The following TMA16 variants were observed in gnomAD, a reference collection of about 807,000 sequenced individuals.
TMA16 encodes translation machinery-associated protein 16.
Under a neutral mutation model 27.1 loss-of-function variants are expected in TMA16, and 26 were observed. That is an observed-to-expected ratio of 0.96 (90% CI 0.70 to 1.33). The LOEUF is 1.33. TMA16 is among the 40% of genes most tolerant of loss of function. The probability of loss-of-function intolerance (pLI) is 0.00; values close to 1 mark genes in which losing one functional copy is unlikely to be tolerated. For missense variants in TMA16, 233 were observed against 241.4 expected (o/e 0.97, Z 0.23); for synonymous variants, 71 against 81.9 (o/e 0.87, Z 0.72).
At chr4:163,512,972 G>T in intron 3 of TMA16, 113 bp downstream of exon 3, 1 of 699,704 alleles carries the variant, frequency 1.4e-6, no homozygotes, top group South Asian at 2.6e-5. Context: ...AAGTGAATTT[G>T]ATCAGACTTG....
chr4:163,517,106 GT>G, intron 5 of TMA16: 1 of 238,578 alleles, frequency 4.2e-6, no homozygotes, highest in Non-Finnish European at 8.0e-6. Flanking sequence ...GTTTCACCTT[GT>G]TAGCCAGGAT....
chr4:163,501,647 G>T (rs1737652659), intron 1 of TMA16, among the ~76,000 whole-genome samples: 2 of 152,172 alleles, frequency 1.3e-5, no homozygotes, highest in South Asian at 4.1e-4. Flanking sequence ...ATACAGTGAT[G>T]CAAGTGTTTG....
chr4:163,496,760 G>C (rs1737559697), intron 1 of TMA16, among the ~76,000 whole-genome samples: 1 of 151,918 alleles, frequency 6.6e-6, no homozygotes, highest in South Asian at 2.1e-4. Context: ...ACCACACCCA[G>C]CTAATTTTTG....
chr4:163,507,699 A>G (rs1172398112), intron 2 of TMA16, among the ~76,000 whole-genome samples: 4 of 152,126 alleles, frequency 2.6e-5, no homozygotes, highest in Non-Finnish European at 5.9e-5. Context: ...AAGAGAGCCA[A>G]TTACTGAGTT....
chr4:163,517,013 C>G (rs1213872072), intron 5 of TMA16: 1 of 156,140 alleles, frequency 6.4e-6, no homozygotes, highest in East Asian at 1.9e-4. Flanking sequence ...TTTTTTTTCT[C>G]CTGCCTCAGC....
At chr4:163,510,920 A>G (rs1169481922) in intron 2 of TMA16, among the ~76,000 whole-genome samples, 1 of 152,192 alleles carries the variant, frequency 6.6e-6, no homozygotes. Flanking sequence ...CATTCCTGTA[A>G]AACATTCATG....
At chr4:163,505,594 A>G (rs1472077101) in intron 1 of TMA16, among the ~76,000 whole-genome samples, 1 of 152,218 alleles carries the variant, frequency 6.6e-6, no homozygotes, top group African/African-American at 2.4e-5. Context: ...GTTATGAAAT[A>G]GCTTGGTATG....
chr4:163,497,917 A>G (rs1438191737), intron 1 of TMA16, among the ~76,000 whole-genome samples: 20 of 152,188 alleles, frequency 1.3e-4, no homozygotes, highest in Non-Finnish European at 1.5e-5. Context: ...AGAAACAGCC[A>G]CTGTTAACAG....
Position 163,514,106 on chromosome 4 carries a change from G to C in TMA16, c.187G>C (p.Asp63His). The C allele has an allele frequency of 6.2e-7, 1 of 1,609,574 alleles. No homozygotes were observed. ...EKLQWFQNHL[D>H]PQKKRYSKKD... ...ACTGCAATGGTTTCAAAATCATCTT[G>C]ATCCCCAAAAAAAGAGATATTCAAA... The change falls in exon 4 of 7, where the codon GAT becomes CAT. Residue 63 changes from aspartate to histidine, a missense_variant. Asp to His is a moderately conservative substitution (Grantham distance 81, BLOSUM62 -1). Coordinates refer to ENST00000358572, the MANE Select transcript of TMA16 (RefSeq NM_018352.3).
At chr4:163,504,485 A>G (rs770761055) in intron 1 of TMA16, among the ~76,000 whole-genome samples, 6 of 151,898 alleles carry the variant, frequency 4.0e-5, no homozygotes, top group Non-Finnish European at 5.9e-5. Context: ...AGCTGCGGAG[A>G]GTCTACTTCT....
At chr4:163,516,398 A>G (rs1579020732) in intron 5 of TMA16, among the ~76,000 whole-genome samples, 1 of 152,202 alleles carries the variant, frequency 6.6e-6, no homozygotes, top group Admixed American at 6.5e-5. Flanking sequence ...ATTCATTAAG[A>G]TTCCTTTACA....
intron 5 of TMA16, among the ~76,000 whole-genome samples, chr4:163,516,711 G>T (rs1453992626): frequency 2.0e-5 from 3 of 151,720 alleles, no homozygotes; most frequent in Admixed American, 1.3e-4. Flanking sequence ...TATTAAAAAT[G>T]GATTTAAGTT....
At chr4:163,515,276 C>T in intron 4 of TMA16, 37 bp from the exon 5 acceptor site, 4 of 1,580,492 alleles carry the variant, frequency 2.5e-6, no homozygotes, top group Non-Finnish European at 3.4e-6. Flanking sequence ...AATACATATA[C>T]TTTGTATGTA....
intron 1 of TMA16, among the ~76,000 whole-genome samples, chr4:163,500,144 T>G (rs1479959396): frequency 2.6e-5 from 4 of 152,192 alleles, no homozygotes. Context: ...TTATGAAGGC[T>G]TATAAATGAA....
chr4:163,514,738 A>C (rs1387998055), intron 4 of TMA16, among the ~76,000 whole-genome samples: 1 of 152,190 alleles, frequency 6.6e-6, no homozygotes. Flanking sequence ...TGAGAGGTTC[A>C]TGACTCTGGT....
At chr4:163,513,906 G>A (rs1369240248) in intron 3 of TMA16, among the ~76,000 whole-genome samples, 168 bp from the exon 4 acceptor site, 1 of 152,100 alleles carries the variant, frequency 6.6e-6, no homozygotes, top group East Asian at 1.9e-4. Flanking sequence ...AGTTTAATTT[G>A]TGACAGACTG....
intron 1 of TMA16, among the ~76,000 whole-genome samples, 178 bp from the exon 2 acceptor site, chr4:163,506,855 C>G (rs1271954657): frequency 6.6e-6 from 1 of 152,138 alleles, no homozygotes; most frequent in Non-Finnish European, 1.5e-5. Context: ...ACCATGGCAA[C>G]AGATTATTAG....
chr4:163,509,319 T>C (rs1359508713), intron 2 of TMA16, among the ~76,000 whole-genome samples: 1 of 152,188 alleles, frequency 6.6e-6, no homozygotes, highest in Admixed American at 6.5e-5. Context: ...AGCAAGGTGA[T>C]TGAAGAAGGT....
chr4:163,499,694 G>A (rs1560911693), intron 1 of TMA16, among the ~76,000 whole-genome samples: 1 of 151,746 alleles, frequency 6.6e-6, no homozygotes, highest in African/African-American at 2.4e-5. Flanking sequence ...TGTAAACGCT[G>A]TATAGTGATT....
Sources: allele counts gnomAD v4.1 joint callset (sites outside exome capture counted in the v4.1 genomes callset), GRCh38; gene constraint gnomAD v4.1.1; transcripts MANE v1.5; gene names NCBI Gene and HGNC (gene_info 2026-07-23, HGNC 2026-07-21).